The following RECQL variants were observed in gnomAD, a reference collection of about 807,000 sequenced individuals.
RECQL encodes the protein RecQ like helicase, also known as ATP-dependent DNA helicase Q1.
In RECQL, 73 loss-of-function variants were observed where a neutral mutation model predicts 75.8. The observed-to-expected ratio is 0.96, with a 90% CI of 0.80 to 1.17. RECQL has a LOEUF of 1.17. Ranked by LOEUF, RECQL falls within the 50% of genes most tolerant of loss-of-function variation. The pLI, the probability that RECQL is intolerant of heterozygous loss-of-function variation, is 0.00. For synonymous variants in RECQL, 248 were observed against 254.4 expected, an observed-to-expected ratio of 0.97 and a Z score of 0.24; for missense variants, 699 against 772.1, an observed-to-expected ratio of 0.91 and a Z score of 1.12.
intron 10 of RECQL, 56 bp downstream of exon 10, chr12:21,475,412 T>A: frequency 3.0e-6 from 3 of 998,122 alleles, no homozygotes; most frequent in Non-Finnish European, 4.7e-6. Context: ...GCATTTATCA[T>A]GTATTTTTTG....
At chr12:21,490,136 G>T (rs1943380733) in intron 4 of RECQL, 63 bp downstream of exon 4, 7 of 879,078 alleles carry the variant, frequency 8.0e-6, no homozygotes, top group Non-Finnish European at 6.8e-6. Context: ...TTTTTTAAAA[G>T]AATTAAAAAG....
chr12:21,473,410 T>C lies in RECQL; in HGVS notation c.1447+141A>G, dbSNP rs11046077. ...CTATAACATATCACCTAGGAGACTA[T>C]ACCATCTAGGTTTATGTAAGTACAC... On this transcript the variant is annotated intron_variant, in intron 12 of 14. Coordinates refer to ENST00000444129, the MANE Select transcript of RECQL (RefSeq NM_002907.4). 1.7e-5 allele frequency: 11 copies of C among 659,366 alleles called. No individual in the cohort carries two copies. The East Asian group carries it at 2.5e-4, about 15-fold the overall frequency. The allele number at this position is 659,366 out of a possible 1,614,324, so 40.8% of individuals were successfully genotyped here.
At chr12:21,497,771 G>A (rs1943535322) in intron 2 of RECQL, among the ~76,000 whole-genome samples, 1 of 152,194 alleles carries the variant, frequency 6.6e-6, no homozygotes, top group Non-Finnish European at 1.5e-5. Context: ...AGAACAAAGT[G>A]CCTTCTGCAA....
intron 6 of RECQL, among the ~76,000 whole-genome samples, chr12:21,482,448 A>G (rs756730426): frequency 6.6e-6 from 1 of 152,282 alleles, no homozygotes; most frequent in Middle Eastern, 3.4e-3. Flanking sequence ...AGGGACAAGT[A>G]TAAGGACGGC....
chr12:21,479,541 C>T (rs111761217), intron 6 of RECQL, among the ~76,000 whole-genome samples: 6,158 of 151,938 alleles, frequency 0.041, 158 homozygotes, highest in Middle Eastern at 0.058. Context: ...TTAGTAGAGA[C>T]GGGGTTTCAC....
At chr12:21,495,368 G>A (rs562883079) in intron 2 of RECQL, among the ~76,000 whole-genome samples, 14 of 152,238 alleles carry the variant, frequency 9.2e-5, no homozygotes, top group African/African-American at 2.9e-4. Flanking sequence ...AGGCCGAGGC[G>A]GGTGGATCAC....
intron 5 of RECQL, among the ~76,000 whole-genome samples, chr12:21,485,167 T>C (rs1005573555): frequency 6.9e-6 from 1 of 145,712 alleles, no homozygotes; most frequent in Non-Finnish European, 1.5e-5. Flanking sequence ...GATAACCAGG[T>C]ACTATGTACC....
At chr12:21,496,869 G>A (rs909096823) in intron 2 of RECQL, among the ~76,000 whole-genome samples, 5 of 152,124 alleles carry the variant, frequency 3.3e-5, no homozygotes, top group South Asian at 2.1e-4. Context: ...AAGAGGTAAC[G>A]CCATGATACA....
intron 4 of RECQL, among the ~76,000 whole-genome samples, chr12:21,487,773 C>T (rs770625022): frequency 2.0e-5 from 3 of 152,074 alleles, no homozygotes; most frequent in Non-Finnish European, 2.9e-5. Context: ...GGATTAATGC[C>T]ATTTTACAAA....
Position 21,476,993 on chromosome 12 carries a change from C to A in RECQL, c.868-1G>T. 6.3e-7 allele frequency: 1 copy of A among 1,599,976 alleles called. No individual in the cohort carries two copies. Among genetic ancestry groups the A allele is most frequent in the Non-Finnish European group, 8.5e-7 (1 of 1,173,956 alleles). ...CAGTGTTTGAGGGCTTCTGCCGAAC[C>A]TAAAAAAAACTTAACTTATTAAAAA... On this transcript the variant is annotated splice_acceptor_variant, in intron 7 of 14. Transcript: ENST00000444129. LOFTEE classifies it high-confidence loss of function.
intron 5 of RECQL, among the ~76,000 whole-genome samples, chr12:21,485,354 G>C (rs1331941565): frequency 7.2e-6 from 1 of 139,188 alleles, no homozygotes. Context: ...GAAAAAGAAA[G>C]AAAAGAAAAG....
intron 2 of RECQL, among the ~76,000 whole-genome samples, chr12:21,495,252 T>C (rs1943483669): frequency 2.0e-5 from 3 of 152,204 alleles, no homozygotes; most frequent in African/African-American, 7.2e-5. Context: ...GTAATGAATC[T>C]TCCTACTACT....
At chr12:21,485,321 C>T (rs1591983210) in intron 5 of RECQL, among the ~76,000 whole-genome samples, 3 of 137,620 alleles carry the variant, frequency 2.2e-5, no homozygotes, top group South Asian at 4.9e-4. Context: ...GCATATGGAC[C>T]CCAGAACTGA....
intron 2 of RECQL, among the ~76,000 whole-genome samples, chr12:21,494,804 C>T (rs1191473923): frequency 6.6e-6 from 1 of 152,210 alleles, no homozygotes; most frequent in African/African-American, 2.4e-5. Flanking sequence ...GATGCTGGGG[C>T]TCCCCTGGCT....
chr12:21,489,226 A>C (rs899982696), intron 4 of RECQL, among the ~76,000 whole-genome samples: 1 of 152,226 alleles, frequency 6.6e-6, no homozygotes, highest in Non-Finnish European at 1.5e-5. Context: ...ATTTTAATGG[A>C]ACACAGCTAC....
chr12:21,495,408 A>T (rs1415546842), intron 2 of RECQL, among the ~76,000 whole-genome samples: 3 of 152,182 alleles, frequency 2.0e-5, no homozygotes, highest in African/African-American at 7.2e-5. Context: ...CATCCTGGCT[A>T]ACATGGTGAA....
intron 6 of RECQL, among the ~76,000 whole-genome samples, chr12:21,482,229 A>G (rs1308478137): frequency 1.3e-5 from 2 of 151,046 alleles, no homozygotes; most frequent in Non-Finnish European, 2.9e-5. Flanking sequence ...GGTCATGGTT[A>G]GCCTTATAAA....
At position 21,490,203 on chromosome 12, in the gene RECQL, T is replaced by G; in HGVS notation, c.390A>C (p.Ser130=). The change falls in exon 4 of 15, where the codon TCA becomes TCC. Residue 130 remains serine, a synonymous_variant. Coordinates refer to ENST00000444129, the MANE Select transcript of RECQL (RefSeq NM_002907.4). The part of the protein sequence containing the change: ...SLCYQLPALC[S]DGFTLVICPL... ...ATTAATTTTTTTAGTACATACCATC[T>G]GAACATAATGCTGGTAACTGGTAAC... The G allele has an allele frequency of 6.2e-7, 1 of 1,601,306 alleles. No individual in the cohort carries two copies. The highest frequency in any genetic ancestry group is 1.1e-5 in the South Asian group (1 of 89,816).
intron 2 of RECQL, among the ~76,000 whole-genome samples, chr12:21,493,492 A>G (rs1943449928): frequency 6.6e-6 from 1 of 152,210 alleles, no homozygotes; most frequent in South Asian, 2.1e-4. Flanking sequence ...TATCCTCTAT[A>G]GGTACAGGGC....
Sources: gnomAD v4.1 joint callset for allele counts (sites outside exome capture counted in the v4.1 genomes callset) on GRCh38, gnomAD v4.1.1 for gene constraint, MANE v1.5 for transcripts, NCBI Gene and HGNC (gene_info 2026-07-23, HGNC 2026-07-21) for gene names.